The following PCDHGA2 variants were observed in gnomAD, a reference collection of about 807,000 sequenced individuals.
PCDHGA2 encodes protocadherin gamma-A2.
PCDHGA2 carries 40 observed loss-of-function variants against 59.2 expected under a neutral mutation model. The observed-to-expected ratio is 0.68, with a 90% CI of 0.52 to 0.88. PCDHGA2 has a LOEUF of 0.88. Ranked by LOEUF, PCDHGA2 falls within the 40% of genes least tolerant of loss-of-function variation. The pLI, the probability that PCDHGA2 is intolerant of heterozygous loss-of-function variation, is 0.00. For missense variants in PCDHGA2, 1,226 were observed against 1,204.0 expected, an observed-to-expected ratio of 1.02 and a Z score of -0.27; for synonymous variants, 560 against 526.0, an observed-to-expected ratio of 1.06 and a Z score of -0.89.
chr5:141,476,562 C>A lies in PCDHGA2; in HGVS notation c.2425-18245C>A. On this transcript the variant is annotated intron_variant, in intron 1 of 3. Transcript: ENST00000394576. This position sits in a 1 kb window ranked among gnomAD's most constrained non-coding sequence, Gnocchi z 7.6. ...AAATTGGAGATTAGCGAGGCCGTGG[C>A]TCCGGGGACGCGCTTTCCGCTCGAG... 1 of 1,614,218 alleles carries A rather than the reference C, an allele frequency of 6.2e-7. No homozygotes were observed. The highest frequency in any genetic ancestry group is 8.5e-7 in the Non-Finnish European group (1 of 1,180,034).
intron 1 of PCDHGA2, chr5:141,374,343 C>A (rs753543776): frequency 6.2e-7 from 1 of 1,613,990 alleles, no homozygotes; most frequent in Admixed American, 1.7e-5. Flanking sequence ...TTGGTCACCG[C>A]GGGTAGGATA....
At chr5:141,364,582 G>T (rs1379738059) in intron 1 of PCDHGA2, 1 of 1,614,088 alleles carries the variant, frequency 6.2e-7, no homozygotes, top group African/African-American at 1.3e-5. Flanking sequence ...GCGGCAGCTT[G>T]GTCACCGCGG....
chr5:141,491,438 G>T lies in PCDHGA2; in HGVS notation c.2425-3369G>T, dbSNP rs376927300. 3.7e-6 allele frequency: 6 copies of T among 1,613,948 alleles called. No homozygotes were observed. The African/African-American group carries it at 4.0e-5, about 11-fold the overall frequency. ...GGGGGTGGAGGGCAGTGCTGCAGGCGCCAGGACTCACCCTCCCCGGACTTC... is the reference window on the plus strand; with the variant it reads ...GGGGGTGGAGGGCAGTGCTGCAGGCTCCAGGACTCACCCTCCCCGGACTTC... On this transcript the variant is annotated intron_variant, in intron 1 of 3. Transcript: ENST00000394576. The surrounding 1 kb of genome is among the most constrained non-coding windows in gnomAD (Gnocchi z 6.9).
At chr5:141,433,266 T>C in intron 1 of PCDHGA2, 1 of 1,315,306 alleles carries the variant, frequency 7.6e-7, no homozygotes, top group Non-Finnish European at 1.1e-6. Flanking sequence ...CGATCATAGC[T>C]CACTGCAGCC....
At chr5:141,392,945 C>T (rs1561639150) in intron 1 of PCDHGA2, 1 of 1,613,916 alleles carries the variant, frequency 6.2e-7, no homozygotes. Flanking sequence ...AAGGCTCCTT[C>T]GTGGGTAATA....
Position 141,371,037 on chromosome 5 carries a change from G to A in PCDHGA2, c.2424+29642G>A, listed in dbSNP as rs373150812. 63 of 1,613,876 alleles carry A rather than the reference G, an allele frequency of 3.9e-5. No homozygotes were observed. The African/African-American group carries it at 7.9e-4, about 20-fold the overall frequency. ...ACATCACCACCTGGTCCTCACAGCT[G>A]TGGATGGGGGCGAGCCCTCCAGAAG... On this transcript the variant is annotated intron_variant, in intron 1 of 3. Transcript: ENST00000394576.
chr5:141,371,213 C>A, intron 1 of PCDHGA2: 1 of 1,614,002 alleles, frequency 6.2e-7, no homozygotes, highest in Non-Finnish European at 8.5e-7. Flanking sequence ...ATGAGGGCAT[C>A]AATGCCGAAA....
chr5:141,410,518 C>T (rs753664223), intron 1 of PCDHGA2: 1 of 1,613,820 alleles, frequency 6.2e-7, no homozygotes, highest in Non-Finnish European at 8.5e-7. Flanking sequence ...GCAGTGTGCC[C>T]CTACATTCCA....
intron 1 of PCDHGA2, among the ~76,000 whole-genome samples, chr5:141,449,560 GC>G (rs1487612909): frequency 6.9e-6 from 1 of 145,056 alleles, no homozygotes; most frequent in Non-Finnish European, 1.5e-5. Flanking sequence ...CTGCACTCCA[GC>G]CTGGGCGACA....
At chr5:141,418,755 G>A (rs1489556538) in intron 1 of PCDHGA2, 8 of 1,613,898 alleles carry the variant, frequency 5.0e-6, no homozygotes, top group South Asian at 1.1e-5. Context: ...TACACTACAG[G>A]AAACATTCTA....
At chr5:141,360,877 A>T (rs1025291723) in intron 1 of PCDHGA2, 1 of 1,613,942 alleles carries the variant, frequency 6.2e-7, no homozygotes, top group Non-Finnish European at 8.5e-7. Context: ...GGACGTGTAC[A>T]GGGTCACCCT....
chr5:141,366,765 T>C (rs373961637), intron 1 of PCDHGA2: 83 of 1,604,590 alleles, frequency 5.2e-5, no homozygotes, highest in Non-Finnish European at 6.9e-5. Flanking sequence ...AGTTTTCTCT[T>C]TCGGTAAGGA....
At chr5:141,346,312 C>G in intron 1 of PCDHGA2, 4 of 1,614,244 alleles carry the variant, frequency 2.5e-6, no homozygotes, top group Non-Finnish European at 3.4e-6. Flanking sequence ...GTCTCCCTCA[C>G]TGCGGACTCG....
chr5:141,428,563 G>A, intron 1 of PCDHGA2: 2 of 237,566 alleles, frequency 8.4e-6, no homozygotes, highest in East Asian at 1.1e-4. Flanking sequence ...CCCCCCACAA[G>A]ATCTTTCTAA....
At chr5:141,348,551 T>C (rs1372189224) in intron 1 of PCDHGA2, among the ~76,000 whole-genome samples, 1 of 152,218 alleles carries the variant, frequency 6.6e-6, no homozygotes, top group African/African-American at 2.4e-5. Flanking sequence ...CTAAGAATTC[T>C]ATATGAAACA....
rs769671283 is a variant in PCDHGA2, at chr5:141,511,391, C to T, written c.*218C>T. On this transcript the variant is annotated 3_prime_UTR_variant, in exon 4 of 4. Transcript: ENST00000394576. Reference sequence around the variant, plus strand: ...TGCAAAAGCAGTTCCGCTGGGAACCCCCATCCAATCAACTGCTGTACCCAT... The same window carrying T: ...TGCAAAAGCAGTTCCGCTGGGAACCTCCATCCAATCAACTGCTGTACCCAT... The T allele has an allele frequency of 6.4e-5, 69 of 1,079,630 alleles. No individual in the cohort carries two copies. The highest frequency in any genetic ancestry group is 1.5e-4 in the Admixed American group (5 of 34,354). 66.9% of individuals were successfully genotyped at this position (1,079,630 alleles called of 1,614,324 possible). A position where few individuals can be genotyped will look rare whatever the true frequency, so the allele number is the denominator to read the frequency against.
intron 1 of PCDHGA2, among the ~76,000 whole-genome samples, chr5:141,451,826 A>G (rs2098725686): frequency 6.6e-6 from 1 of 151,720 alleles, no homozygotes; most frequent in Non-Finnish European, 1.5e-5. Context: ...GGTTACAGTG[A>G]GCCGAGATCA....
intron 1 of PCDHGA2, chr5:141,395,894 C>T (rs768471284): frequency 6.6e-6 from 1 of 152,020 alleles, no homozygotes; most frequent in Non-Finnish European, 1.5e-5. Flanking sequence ...CACCTGGGCT[C>T]CATGCCCATG....
chr5:141,419,397 T>G (rs1280096838), intron 1 of PCDHGA2: 3 of 1,613,312 alleles, frequency 1.9e-6, no homozygotes. Flanking sequence ...CAGAGCGGGG[T>G]GGTGTTCGCG....
Sources: allele counts gnomAD v4.1 joint callset (sites outside exome capture counted in the v4.1 genomes callset), GRCh38; gene constraint gnomAD v4.1.1; non-coding constraint Gnocchi (gnomAD v3.1); transcripts MANE v1.5; gene names NCBI Gene and HGNC (gene_info 2026-07-23, HGNC 2026-07-21).